Variants in TOPAZ1 observed in about 807,000 individuals in gnomAD.
TOPAZ1 encodes the protein protein TOPAZ1.
Under a neutral mutation model 172.2 loss-of-function variants are expected in TOPAZ1, and 66 were observed. The ratio of observed to expected loss-of-function variants is 0.38; its 90% CI spans 0.31 to 0.47. The LOEUF is 0.47. Ranked by LOEUF, TOPAZ1 falls within the 20% of genes least tolerant of loss-of-function variation. The pLI is 0.99. For synonymous variants in TOPAZ1, 681 were observed against 683.9 expected (o/e 1.00, Z 0.07); for missense variants, 1,822 against 1,972.4 (o/e 0.92, Z 1.44).
intron 8 of TOPAZ1, among the ~76,000 whole-genome samples, chr3:44,276,624 C>CTTTTTTTTTTTTTTTTTTTTTTTTTT (rs762865769): frequency 4.1e-5 from 1 of 24,124 alleles, no homozygotes. Flanking sequence ...CAGCTTTGTT[C>CTTTTTTTTTTTTTTTTTTTTTTTTTT]TTTTTTTTTT....
At chr3:44,270,444 G>A (rs1341263000) in intron 7 of TOPAZ1, among the ~76,000 whole-genome samples, 1 of 151,946 alleles carries the variant, frequency 6.6e-6, no homozygotes, top group African/African-American at 2.4e-5. Flanking sequence ...TAACCTTGAT[G>A]GAATATTTTA....
At chr3:44,336,615 C>T (rs1232629794), downstream of TOPAZ1, among the ~76,000 whole-genome samples, 1 of 152,128 alleles carries the variant, frequency 6.6e-6, no homozygotes, top group East Asian at 1.9e-4. Context: ...CTTGCTCTCG[C>T]CCTCACCCTC....
intron 8 of TOPAZ1, among the ~76,000 whole-genome samples, chr3:44,274,528 C>T (rs1699931721): frequency 6.6e-6 from 1 of 150,898 alleles, no homozygotes; most frequent in Non-Finnish European, 1.5e-5. Flanking sequence ...ATGCTAAGCA[C>T]TGAAAAGGCA....
chr3:44,320,471 G>A (rs576831757), intron 16 of TOPAZ1, among the ~76,000 whole-genome samples: 3 of 152,088 alleles, frequency 2.0e-5, no homozygotes, highest in East Asian at 3.9e-4. Flanking sequence ...GGTGGCACGC[G>A]CCTGTAGTCC....
At chr3:44,275,079 A>C (rs1474275675) in intron 8 of TOPAZ1, among the ~76,000 whole-genome samples, 2 of 152,002 alleles carry the variant, frequency 1.3e-5, no homozygotes, top group African/African-American at 4.8e-5. Context: ...TTACATGCAT[A>C]GATGTAACAA....
chr3:44,241,962 A>C lies in TOPAZ1; in HGVS notation c.-92A>C. The C allele has an allele frequency of 4.1e-6, 5 of 1,211,744 alleles. No individual in the cohort carries two copies. The highest frequency in any genetic ancestry group is 4.6e-6 in the Non-Finnish European group (4 of 871,984). The allele number at this position is 1,211,744 out of a possible 1,614,324, so 75.1% of individuals were successfully genotyped here. On this transcript the variant is annotated 5_prime_UTR_variant, in exon 1 of 20. Transcript: ENST00000309765. ...GGCGGTGTGGGGTGGGTCAGAGGGC[A>C]GTAGGTACCTCCAGGCGGGAGCAGC...
In TOPAZ1 at chr3:44,318,250, G is replaced by A. The variant is rs537653670; in HGVS notation, c.4307-2777G>A. On this transcript the variant is annotated intron_variant, in intron 16 of 19. Coordinates refer to ENST00000309765, the MANE Select transcript of TOPAZ1 (RefSeq NM_001145030.2). ...ATTGATCACCTGAGGTCAGGAGTTC[G>A]AGACCATCCTGGCCAACGTGGTGAA... 2.6e-5 allele frequency among the ~76,000 whole-genome samples: 4 copies of A among 152,198 alleles called. No homozygotes were observed. The South Asian group carries it at 6.2e-4, about 24-fold the overall frequency.
At chr3:44,331,679 C>T in intron 19 of TOPAZ1, 113 bp from the exon 20 acceptor site, 1 of 880,752 alleles carries the variant, frequency 1.1e-6, no homozygotes. Flanking sequence ...TTTAGAAGAA[C>T]ATGGTGAGAA....
Position 44,242,220 on chromosome 3 carries a change from C to A in TOPAZ1, c.167C>A (p.Ala56Asp), listed in dbSNP as rs370579368. ...CAAAAGAGGAGAATGGTGGCCCGGGCCACCCCTGGGAGAGGCGAGGTGGAA... is the reference window on the plus strand; with the variant it reads ...CAAAAGAGGAGAATGGTGGCCCGGGACACCCCTGGGAGAGGCGAGGTGGAA... Reference protein sequence around the residue: ...NKQKRRMVARATPGRGEVESD... With the variant: ...NKQKRRMVARDTPGRGEVESD... Residue 56 changes from alanine (A) to aspartate (D), a missense_variant, in exon 1 of 20, where the codon GCC becomes GAC. Ala to Asp is a moderately radical substitution (Grantham distance 126). Around this residue, in one of 2 missense-constraint regions of TOPAZ1, gnomAD observed 1,489 missense variants for 1,490.8 expected, o/e 1.00. Coordinates refer to ENST00000309765, the MANE Select transcript of TOPAZ1 (RefSeq NM_001145030.2). 291 of 1,545,524 alleles carry A rather than the reference C, an allele frequency of 1.9e-4. No individual in the cohort carries two copies. The African/African-American group carries it at 3.5e-3, about 19-fold the overall frequency.
chr3:44,288,703 G>A (rs751420648), intron 11 of TOPAZ1, among the ~76,000 whole-genome samples: 23 of 152,124 alleles, frequency 1.5e-4, no homozygotes, highest in Non-Finnish European at 2.5e-4. Flanking sequence ...CTGATAACCC[G>A]TAGAGGTTGT....
At chr3:44,315,200 CGTGT>C (rs71089096) in intron 16 of TOPAZ1, among the ~76,000 whole-genome samples, 42 of 150,088 alleles carry the variant, frequency 2.8e-4, no homozygotes, top group Admixed American at 4.6e-4. Flanking sequence ...TTTGAAAGAA[CGTGT>C]GTGTGTGTGT....
At chr3:44,332,845 C>G (rs1403550156), downstream of TOPAZ1, among the ~76,000 whole-genome samples, 1 of 150,584 alleles carries the variant, frequency 6.6e-6, no homozygotes, top group Non-Finnish European at 1.5e-5. Context: ...TGTGCCCAGG[C>G]TGGAGTGCAG....
chr3:44,307,277 C>G (rs1019756168), intron 15 of TOPAZ1, among the ~76,000 whole-genome samples: 2 of 152,154 alleles, frequency 1.3e-5, no homozygotes, highest in African/African-American at 4.8e-5. Flanking sequence ...CCGCCTCAGC[C>G]TCCCAAAGTG....
rs1250677541 is a variant in TOPAZ1, at chr3:44,243,004, T to C, written c.498T>C (p.Ile166=). The change falls in exon 2 of 20, where the codon ATT becomes ATC. Residue 166 remains isoleucine, a synonymous_variant. Coordinates refer to ENST00000309765, the MANE Select transcript of TOPAZ1 (RefSeq NM_001145030.2). ...GTAAGGAAAGTATAATAGAAGGTAT[T>C]AAAAGAAGAATTCGAAATAAAAAAC... ...SLGKESIIEG[I]KRRIRNKKLK... is the part of the protein sequence containing the mutation. The C allele has an allele frequency of 1.6e-5, 25 of 1,545,186 alleles. No homozygotes were observed. Among genetic ancestry groups the C allele is most frequent in the Non-Finnish European group, 2.1e-5 (24 of 1,145,488 alleles).
Position 44,299,957 on chromosome 3 carries a change from T to TGGG in TOPAZ1, c.3798-4054_3798-4052dup, listed in dbSNP as rs59025711. Among the ~76,000 whole-genome samples the TGGG allele has an allele frequency of 2.4e-4, 23 of 94,302 alleles. 1 individual carries two copies. Among genetic ancestry groups the TGGG allele is most frequent in the South Asian group, 3.6e-4 (1 of 2,764 alleles). 61.9% of individuals were successfully genotyped at this position (94,302 alleles called of 152,430 possible). ...TCACACTCTGGGGACTGTTGTGGGG[T>TGGG]GGGGGGAGGGGGAAGCAATAGCTTT... On this transcript the variant is annotated intron_variant, in intron 12 of 19. Coordinates refer to ENST00000309765, the MANE Select transcript of TOPAZ1 (RefSeq NM_001145030.2).
At chr3:44,272,093 T>C (rs1699905197) in intron 8 of TOPAZ1, among the ~76,000 whole-genome samples, 2 of 152,168 alleles carry the variant, frequency 1.3e-5, no homozygotes, top group Admixed American at 6.6e-5. Context: ...TTTATAAGGC[T>C]GAATAGTATT....
chr3:44,322,882 C>T (rs545942824), intron 17 of TOPAZ1, among the ~76,000 whole-genome samples: 5 of 152,268 alleles, frequency 3.3e-5, no homozygotes, highest in Middle Eastern at 3.4e-3. Flanking sequence ...CATGCCACTG[C>T]ACTCCAGCCT....
intron 12 of TOPAZ1, among the ~76,000 whole-genome samples, chr3:44,299,148 G>T (rs965535104): frequency 4.6e-5 from 7 of 150,714 alleles, no homozygotes; most frequent in African/African-American, 1.7e-4. Flanking sequence ...ATCTCAAACT[G>T]CTGACCTCGT....
chr3:44,332,564 C>T (rs150369252), downstream of TOPAZ1, among the ~76,000 whole-genome samples: 391 of 151,998 alleles, frequency 2.6e-3, 4 homozygotes, highest in African/African-American at 9.1e-3. Flanking sequence ...AATCTATGTG[C>T]ATTACACTAG....
Sources: gnomAD v4.1 joint callset for allele counts (sites outside exome capture counted in the v4.1 genomes callset) on GRCh38, gnomAD v4.1.1 for gene constraint, gnomAD v4.1.1 regional missense constraint, MANE v1.5 for transcripts, NCBI Gene and HGNC (gene_info 2026-07-23, HGNC 2026-07-21) for gene names.